Variants in FAM83E observed in about 807,000 individuals in gnomAD.
FAM83E encodes the protein scaffolding CK1 anchoring protein E.
FAM83E carries 29 observed loss-of-function variants against 34.3 expected under a neutral mutation model. The ratio of observed to expected loss-of-function variants is 0.85; its 90% CI spans 0.63 to 1.15. The LOEUF (loss-of-function observed/expected upper bound fraction) is 1.15. FAM83E is among the 50% of genes most tolerant of loss of function. The pLI is 0.00. For synonymous variants in FAM83E, 312 were observed against 311.6 expected (o/e 1.00, Z -0.01); for missense variants, 697 against 685.0 (o/e 1.02, Z -0.20).
intron 4 of FAM83E, among the ~76,000 whole-genome samples, chr19:48,610,364 A>C (rs1344888000): frequency 7.7e-6 from 1 of 130,332 alleles, no homozygotes; most frequent in African/African-American, 3.0e-5. Context: ...ACGCCACTGC[A>C]CTCCAGCCTG....
intron 5 of FAM83E, among the ~76,000 whole-genome samples, chr19:48,609,404 T>C (rs992561221): frequency 6.6e-6 from 1 of 151,558 alleles, no homozygotes; most frequent in African/African-American, 2.4e-5. Context: ...ACCTCCCAAG[T>C]AGCTGGGAAG....
chr19:48,608,220 C>T (rs1973971010), intron 5 of FAM83E, among the ~76,000 whole-genome samples: 1 of 152,066 alleles, frequency 6.6e-6, no homozygotes. Flanking sequence ...AGCAATCCTC[C>T]CACCTCAGCC....
chr19:48,613,100 G>A lies in FAM83E; in HGVS notation c.273C>T (p.Thr91=), dbSNP rs751274461. The change falls in exon 3 of 7, where the codon ACC becomes ACT. Residue 91 remains threonine, a synonymous_variant. Transcript: ENST00000263266. ...AGCTCAGGCTGCCCGCGTCCACATC[G>A]GTGGTGGTGGCTCCCTCTGCCATCC... The part of the protein sequence containing the change: ...PSGMAEGATT[T]DVDAGSLSYW... 2.9e-5 allele frequency: 46 copies of A among 1,610,352 alleles called. No homozygotes were observed. The highest frequency in any genetic ancestry group is 3.4e-5 in the Non-Finnish European group (40 of 1,179,058).
chr19:48,605,453 T>C (rs1472770662), intron 5 of FAM83E, among the ~76,000 whole-genome samples: 1 of 152,174 alleles, frequency 6.6e-6, no homozygotes, highest in African/African-American at 2.4e-5. Flanking sequence ...TGCACGCCTA[T>C]AGTCCCAGCT....
intron 5 of FAM83E, among the ~76,000 whole-genome samples, chr19:48,609,612 A>T (rs747423325): frequency 6.6e-6 from 1 of 151,354 alleles, no homozygotes; most frequent in Non-Finnish European, 1.5e-5. Flanking sequence ...TTTTGAACAA[A>T]CCCCACCCCC....
In FAM83E at chr19:48,613,441, A is replaced by T. The variant is rs528328578; in HGVS notation, c.-69T>A. ...CCCGGGGGTCTGGCTGTCTCTGGGG[A>T]CTGTGATCATCTGGGGGTTCTCCTG... On this transcript the variant is annotated 5_prime_UTR_variant, in exon 3 of 7. Transcript: ENST00000263266. 2.2e-5 allele frequency: 32 copies of T among 1,448,654 alleles called. No homozygotes were observed. Among genetic ancestry groups the T allele is most frequent in the Middle Eastern group, 2.5e-4 (1 of 3,954 alleles). The allele number at this position is 1,448,654 out of a possible 1,614,324, so 89.7% of individuals were successfully genotyped here. A position where few individuals can be genotyped will look rare whatever the true frequency, so the allele number is the denominator to read the frequency against.
Position 48,612,983 on chromosome 19 carries a change from C to A in FAM83E, c.390G>T (p.Leu130=). 6.2e-7 allele frequency: 1 copy of A among 1,603,174 alleles called. No individual in the cohort carries two copies. ...GACCCTCTCCAGGAGGCTGGGTGTA[C>A]AGCTGCGCCCGGGTGATGCCTTTCC... ...SAWKGITRAQ[L]YTQPPGEGQP... The change falls in exon 3 of 7, where the codon CTG becomes CTT. Residue 130 remains leucine, a synonymous_variant. Transcript: ENST00000263266.
intron 3 of FAM83E, among the ~76,000 whole-genome samples, chr19:48,611,693 C>T (rs930308651): frequency 6.6e-6 from 1 of 152,200 alleles, no homozygotes; most frequent in African/African-American, 2.4e-5. Flanking sequence ...GTCTTGAACC[C>T]CTGACCTCAG....
At chr19:48,602,165 AT>A (rs1318020997) in intron 6 of FAM83E, among the ~76,000 whole-genome samples, 1,818 of 124,952 alleles carry the variant, frequency 0.015, 96 homozygotes, top group African/African-American at 0.051. Context: ...AAAAAAAAAA[AT>A]GGGTGGAGGA....
rs528703269 is a variant in FAM83E, at chr19:48,601,171, C to A, written c.1375G>T (p.Glu459Ter). 2.5e-6 allele frequency: 4 copies of A among 1,613,256 alleles called. No homozygotes were observed. The African/African-American group carries it at 4.0e-5, about 16-fold the overall frequency. ...FGGDATFKLQ[E>*]PRGVRPSDWA... ...TCTGACGGCCTGACGCCTCTGGGCTCTTGAAGTTTGAATGTAGCATCCCCA... is the reference window on the plus strand; with the variant it reads ...TCTGACGGCCTGACGCCTCTGGGCTATTGAAGTTTGAATGTAGCATCCCCA... Residue 459 changes from glutamate (E) to a stop codon, truncating the protein, a stop_gained, in exon 7 of 7, where the codon GAG becomes TAG. Coordinates refer to ENST00000263266, the MANE Select transcript of FAM83E (RefSeq NM_017708.4). LOFTEE classifies it low-confidence loss of function (END_TRUNC).
intron 5 of FAM83E, among the ~76,000 whole-genome samples, chr19:48,604,115 T>C (rs937472714): frequency 6.6e-6 from 1 of 151,842 alleles, no homozygotes; most frequent in Non-Finnish European, 1.5e-5. Context: ...TTAAGACACT[T>C]ATATAATCAG....
Position 48,614,833 on chromosome 19 carries a change from C to G in FAM83E, c.-1381G>C. Reference sequence around the variant, plus strand: ...CCGGCTTCTGGCCTCACTCATCAGGCCTCGACCTGGAATCCAGGGAGCCCG... The same window carrying G: ...CCGGCTTCTGGCCTCACTCATCAGGGCTCGACCTGGAATCCAGGGAGCCCG... On this transcript the variant is annotated 5_prime_UTR_variant, in exon 2 of 7. Coordinates refer to ENST00000263266, the MANE Select transcript of FAM83E (RefSeq NM_017708.4). 2 of 981,162 alleles carry G rather than the reference C, an allele frequency of 2.0e-6. No homozygotes were observed. Among genetic ancestry groups the G allele is most frequent in the Non-Finnish European group, 2.4e-6 (2 of 825,964 alleles). The allele number at this position is 981,162 out of a possible 1,614,324, so 60.8% of individuals were successfully genotyped here.
chr19:48,603,564 C>T lies in FAM83E; in HGVS notation c.1106G>A (p.Arg369Gln), dbSNP rs774443640. ...RARTPSGPPA[R>Q]PSRSMWDLSR... ...TAGGTCCCACATGGAGCGGCTGGGCCGGGCCGGGGGGCCGCTGGGGGTCCG... is the reference window on the plus strand; with the variant it reads ...TAGGTCCCACATGGAGCGGCTGGGCTGGGCCGGGGGGCCGCTGGGGGTCCG... The change falls in exon 6 of 7, where the codon CGG (arginine) becomes CAG (glutamine). Residue 369 changes from arginine (R) to glutamine (Q), a missense_variant. Arg to Gln is a conservative substitution (Grantham distance 43). Coordinates refer to ENST00000263266, the MANE Select transcript of FAM83E (RefSeq NM_017708.4). The T allele has an allele frequency of 6.4e-7, 1 of 1,559,220 alleles. No individual in the cohort carries two copies. The highest frequency in any genetic ancestry group is 2.5e-5 in the East Asian group (1 of 39,284).
chr19:48,611,466 C>CA (rs1555738181), intron 3 of FAM83E, among the ~76,000 whole-genome samples: 1 of 150,800 alleles, frequency 6.6e-6, no homozygotes, highest in African/African-American at 2.4e-5. Context: ...CCACGCCCGG[C>CA]TTTTTTTTTC....
At chr19:48,608,570 G>A (rs965174803) in intron 5 of FAM83E, among the ~76,000 whole-genome samples, 7 of 150,286 alleles carry the variant, frequency 4.7e-5, no homozygotes, top group South Asian at 2.1e-4. Context: ...TCAGCCTCCC[G>A]AGTAGCTGGG....
intron 5 of FAM83E, among the ~76,000 whole-genome samples, chr19:48,608,437 C>CA (rs1194359691): frequency 3.1e-5 from 4 of 130,074 alleles, no homozygotes; most frequent in African/African-American, 5.9e-5. Context: ...TTTTCTTTTC[C>CA]TTTTTTTTTT....
chr19:48,613,148 T>C lies in FAM83E; in HGVS notation c.225A>G (p.Thr75=), dbSNP rs751386398. Residue 75 remains threonine (T), a synonymous_variant, in exon 3 of 7, where the codon ACA becomes ACG. Transcript: ENST00000263266. The part of the protein sequence containing the change: ...QGLAAAAEDW[T]VAKQEPSGMA... ...TCCCGCTGGGCTCCTGCTTGGCCAC[T>C]GTCCAGTCTTCAGCTGCCGCTGCCA... The C allele has an allele frequency of 1.2e-6, 2 of 1,612,092 alleles. No homozygotes were observed. The highest frequency in any genetic ancestry group is 2.2e-5 in the East Asian group (1 of 44,882).
At chr19:48,608,506 G>A (rs1293648517) in intron 5 of FAM83E, among the ~76,000 whole-genome samples, 2 of 145,554 alleles carry the variant, frequency 1.4e-5, no homozygotes, top group Middle Eastern at 3.6e-3. Context: ...GTGCAGTGGC[G>A]CGATCTTGGC....
At position 48,613,245 on chromosome 19, in the gene FAM83E, G is replaced by T; in HGVS notation, c.128C>A (p.Ala43Glu). Residue 43 changes from alanine (A) to glutamate (E), a missense_variant, in exon 3 of 7, where the codon GCG becomes GAG. Coordinates refer to ENST00000263266, the MANE Select transcript of FAM83E (RefSeq NM_017708.4). The stretch of plus-strand genomic sequence containing the variant: ...CTGCACGCAGGTCTGGAACGCCTCC[G>T]CGCCCTTGCTCAACAGAGCCTCCAG... ...LALEALLSKGAEAFQTCVQRE... is the reference protein window; with the variant it reads ...LALEALLSKGEEAFQTCVQRE... 6.2e-7 allele frequency: 1 copy of T among 1,610,258 alleles called. No individual in the cohort carries two copies.
Sources: allele counts gnomAD v4.1 joint callset (sites outside exome capture counted in the v4.1 genomes callset), GRCh38; gene constraint gnomAD v4.1.1; transcripts MANE v1.5; gene names NCBI Gene and HGNC (gene_info 2026-07-23, HGNC 2026-07-21).